Variants in LRCOL1 observed in about 807,000 individuals in gnomAD.
The protein encoded by LRCOL1 is leucine-rich colipase-like protein 1.
Under a neutral mutation model 21.6 loss-of-function variants are expected in LRCOL1, and 21 were observed. The ratio of observed to expected loss-of-function variants is 0.97; its 90% CI spans 0.69 to 1.40. The LOEUF is 1.40. Among genes scored for constraint, LRCOL1 ranks in the 40% most tolerant of loss-of-function variants. The pLI is 0.00. For synonymous variants in LRCOL1, 98 were observed against 90.1 expected, an observed-to-expected ratio of 1.09 and a Z score of -0.49; for missense variants, 198 against 202.3, an observed-to-expected ratio of 0.98 and a Z score of 0.13.
rs1036838196 is a variant in LRCOL1, at chr12:132,604,719, A to T, written c.218T>A (p.Leu73Gln). The T allele has an allele frequency of 1.3e-6, 2 of 1,536,004 alleles. No individual in the cohort carries two copies. Among genetic ancestry groups the T allele is most frequent in the African/African-American group, 2.7e-5 (2 of 73,038 alleles). Residue 73 changes from leucine to glutamine, a missense_variant, in exon 3 of 6, where the codon CTG becomes CAG. Transcript: ENST00000376608. ...CTPKTIFLQC[L>Q]PWRKPNGYRC... Reference sequence around the variant, plus strand: ...CACGCACCTCACCTTCCTCCAGGGCAGGCACTGCAGGAAGATGGTCTTAGG... The same window carrying T: ...CACGCACCTCACCTTCCTCCAGGGCTGGCACTGCAGGAAGATGGTCTTAGG...
intron 1 of LRCOL1, among the ~76,000 whole-genome samples, chr12:132,609,833 T>A (rs2041352492): frequency 6.6e-6 from 1 of 152,208 alleles, no homozygotes. Flanking sequence ...TTTCAAATGT[T>A]CTATATATGG....
chr12:132,604,656 G>A, intron 3 of LRCOL1, 50 bp downstream of exon 3: 8 of 1,527,454 alleles, frequency 5.2e-6, no homozygotes, highest in South Asian at 3.6e-5. Context: ...AGGTAGGAGG[G>A]GGCCACAGGC....
At chr12:132,605,379 TA>T (rs2041293342) in intron 2 of LRCOL1, among the ~76,000 whole-genome samples, 2 of 152,222 alleles carry the variant, frequency 1.3e-5, no homozygotes, top group Admixed American at 6.5e-5. Context: ...AATTTTAAGA[TA>T]AAAACAGTAA....
In LRCOL1 at chr12:132,606,295, G is replaced by A; in HGVS notation, c.-13-31C>T. On this transcript the variant is annotated intron_variant, in intron 1 of 5. Transcript: ENST00000376608. The surrounding 1 kb of genome is among the most constrained non-coding windows in gnomAD (Gnocchi z 4.6). The stretch of plus-strand genomic sequence containing the variant: ...GAGACCCAGGATTGTGTGGGAGTGT[G>A]TCCACGCCAGCCTTGTCCTGCCTGG... 6.6e-7 allele frequency: 1 copy of A among 1,525,160 alleles called. No individual in the cohort carries two copies. Among genetic ancestry groups the A allele is most frequent in the Non-Finnish European group, 8.8e-7 (1 of 1,138,076 alleles). 94.5% of individuals were successfully genotyped at this position (1,525,160 alleles called of 1,614,324 possible).
At chr12:132,605,032 T>C in intron 2 of LRCOL1, 1 of 1,409,282 alleles carries the variant, frequency 7.1e-7, no homozygotes, top group Non-Finnish European at 9.2e-7. Context: ...AGAAAGGGAA[T>C]GTCTACTGTG....
In LRCOL1 at chr12:132,603,231, G is replaced by A. The variant is rs892293973; in HGVS notation, c.*171C>T. The A allele has an allele frequency of 1.0e-4, 102 of 973,176 alleles. No individual in the cohort carries two copies. Among genetic ancestry groups the A allele is most frequent in the Non-Finnish European group, 1.5e-4 (99 of 668,702 alleles). 60.3% of individuals were successfully genotyped at this position (973,176 alleles called of 1,614,324 possible). A position where few individuals can be genotyped will look rare whatever the true frequency, so the allele number is the denominator to read the frequency against. ...TGGGATTTGTTCTCACAGACACTTC[G>A]CGCCACCAGGCTGGTCACAGCCTTT... On this transcript the variant is annotated 3_prime_UTR_variant, in exon 6 of 6. Transcript: ENST00000376608.
Position 132,604,761 on chromosome 12 carries a change from G to A in LRCOL1, c.176C>T (p.Pro59Leu), listed in dbSNP as rs2138303111. 1.3e-6 allele frequency: 2 copies of A among 1,536,136 alleles called. No homozygotes were observed. The highest frequency in any genetic ancestry group is 4.9e-5 in the East Asian group (2 of 40,914). ...GGTCTTAGGGGTGCAGAGCGTGTGTGGGGCCAGGCTGTTGATGGTACAGCA... is the reference window on the plus strand; with the variant it reads ...GGTCTTAGGGGTGCAGAGCGTGTGTAGGGCCAGGCTGTTGATGGTACAGCA... ...SNCCTINSLA[P>L]HTLCTPKTIF... Residue 59 changes from proline (P) to leucine (L), a missense_variant, in exon 3 of 6, where the codon CCA (proline) becomes CTA (leucine). Transcript: ENST00000376608.
intron 1 of LRCOL1, among the ~76,000 whole-genome samples, chr12:132,607,755 C>T (rs1453005328): frequency 6.6e-6 from 1 of 150,974 alleles, no homozygotes; most frequent in Non-Finnish European, 1.5e-5. Flanking sequence ...GTCTCTGTCT[C>T]TCTCTGTCTC....
chr12:132,605,226 C>G (rs970268392), intron 2 of LRCOL1: 4 of 732,554 alleles, frequency 5.5e-6, no homozygotes, highest in Non-Finnish European at 5.0e-6. Context: ...AGGCCTCCCC[C>G]CTGCACCACG....
chr12:132,603,868 C>T (rs1488567287), intron 5 of LRCOL1: 105 of 1,173,058 alleles, frequency 9.0e-5, no homozygotes, highest in Non-Finnish European at 1.0e-4. Context: ...CAGCAGAGGT[C>T]GGGGGAGGGA....
At position 132,606,414 on chromosome 12, in the gene LRCOL1, TA is replaced by T; in HGVS notation, c.-13-151del. ...TAAAAACTTAATGGACTTTATTTTC[TA>T]AAGCAGTTTTATGCTTACAAAAAAA... On this transcript the variant is annotated intron_variant, in intron 1 of 5. Coordinates refer to ENST00000376608, the MANE Select transcript of LRCOL1 (RefSeq NM_001195520.2). This position sits in a 1 kb window ranked among gnomAD's most constrained non-coding sequence, Gnocchi z 4.6. The T allele has an allele frequency of 1.4e-6, 1 of 701,684 alleles. No homozygotes were observed. The allele number at this position is 701,684 out of a possible 1,614,324, so 43.5% of individuals were successfully genotyped here. A position where few individuals can be genotyped will look rare whatever the true frequency, so the allele number is the denominator to read the frequency against.
chr12:132,606,046 A>C lies in LRCOL1; in HGVS notation c.105+101T>G. The C allele has an allele frequency of 6.4e-6, 7 of 1,086,420 alleles. No individual in the cohort carries two copies. Among genetic ancestry groups the C allele is most frequent in the Non-Finnish European group, 9.2e-6 (7 of 758,032 alleles). 67.3% of individuals were successfully genotyped at this position (1,086,420 alleles called of 1,614,324 possible). ...TGAGACCCTCCTGACGGAAAGTGGC[A>C]GCCCTCGCGGGTGGGGACTGCAAGG... On this transcript the variant is annotated intron_variant, in intron 2 of 5. Transcript: ENST00000376608. This position sits in a 1 kb window ranked among gnomAD's most constrained non-coding sequence, Gnocchi z 4.6.
In LRCOL1 at chr12:132,603,962, G is replaced by A. The variant is rs531645001; in HGVS notation, c.477+292C>T. 240 of 1,265,806 alleles carry A rather than the reference G, an allele frequency of 1.9e-4. 1 individual carries two copies. The African/African-American group carries it at 3.3e-3, about 17-fold the overall frequency. 78.4% of individuals were successfully genotyped at this position (1,265,806 alleles called of 1,614,324 possible). On this transcript the variant is annotated intron_variant, in intron 5 of 5. Transcript: ENST00000376608. ...GAAGACGTCCAACCCCAGCTCCCAC[G>A]GGGGATGGTCCTGGGTCCCCCTCCC...
In LRCOL1 at chr12:132,604,500, G is replaced by C; in HGVS notation, c.316C>G (p.Pro106Ala). 6.5e-7 allele frequency: 1 copy of C among 1,536,194 alleles called. No homozygotes were observed. Among genetic ancestry groups the C allele is most frequent in the Non-Finnish European group, 8.7e-7 (1 of 1,146,894 alleles). ...RNNSPQELCT[P>A]QSVFLQCVPW... ...ACACACTGCAGGAAGACGCTTTGGG[G>C]CGTGCACAACTCCTGCGGGCTGTTG... Residue 106 changes from proline to alanine, a missense_variant, in exon 4 of 6, where the codon CCC becomes GCC. Transcript: ENST00000376608.
Position 132,606,618 on chromosome 12 carries a change from G to C in LRCOL1, c.-13-354C>G, listed in dbSNP as rs1289743009. Among the ~76,000 whole-genome samples the C allele has an allele frequency of 6.6e-6, 1 of 152,036 alleles. No homozygotes were observed. Among genetic ancestry groups the C allele is most frequent in the Admixed American group, 6.5e-5 (1 of 15,270 alleles). On this transcript the variant is annotated intron_variant, in intron 1 of 5. Coordinates refer to ENST00000376608, the MANE Select transcript of LRCOL1 (RefSeq NM_001195520.2). The surrounding 1 kb of genome is among the most constrained non-coding windows in gnomAD (Gnocchi z 4.6). ...GTGTGCCTGCTGCGGGTTTGGGTGAGTGCGTTCTCATAACTGCCATTTCAG... is the reference window on the plus strand; with the variant it reads ...GTGTGCCTGCTGCGGGTTTGGGTGACTGCGTTCTCATAACTGCCATTTCAG...
At chr12:132,608,230 C>A (rs2041337107) in intron 1 of LRCOL1, among the ~76,000 whole-genome samples, 1 of 152,180 alleles carries the variant, frequency 6.6e-6, no homozygotes, top group African/African-American at 2.4e-5. Flanking sequence ...ATGCCCACCT[C>A]CCCCATGCCC....
At position 132,605,015 on chromosome 12, in the gene LRCOL1, G is replaced by A. The variant is rs377428335; in HGVS notation, c.106-184C>T. ...TCTGGCAGGTCAGTGCTGGGGGCCC[G>A]GGGCTGAGAAAGGGAATGTCTACTG... On this transcript the variant is annotated intron_variant, in intron 2 of 5. Transcript: ENST00000376608. The A allele has an allele frequency of 6.3e-5, 89 of 1,422,554 alleles. No individual in the cohort carries two copies. The East Asian group carries it at 1.3e-3, about 21-fold the overall frequency. The allele number at this position is 1,422,554 out of a possible 1,614,324, so 88.1% of individuals were successfully genotyped here. A position where few individuals can be genotyped will look rare whatever the true frequency, so the allele number is the denominator to read the frequency against.
At position 132,604,687 on chromosome 12, in the gene LRCOL1, G is replaced by A. The variant is rs967696813; in HGVS notation, c.231+19C>T. On this transcript the variant is annotated intron_variant, in intron 3 of 5. Transcript: ENST00000376608. The stretch of plus-strand genomic sequence containing the variant: ...CAGGCAGTCTCGCTCCTCCACCCCC[G>A]CCCCTGCACGCACCTCACCTTCCTC... 79 of 1,532,152 alleles carry A rather than the reference G, an allele frequency of 5.2e-5. No individual in the cohort carries two copies. Among genetic ancestry groups the A allele is most frequent in the Non-Finnish European group, 6.6e-5 (75 of 1,144,282 alleles). 94.9% of individuals were successfully genotyped at this position (1,532,152 alleles called of 1,614,324 possible). A position where few individuals can be genotyped will look rare whatever the true frequency, so the allele number is the denominator to read the frequency against.
At position 132,610,430 on chromosome 12, in the gene LRCOL1, C is replaced by G. The variant is rs972511239; in HGVS notation, c.-121G>C. Reference sequence around the variant, plus strand: ...CAGAGAAGTACCCAGAGCAGGGACCCGGCAGCCCGGCAGTACGCTGGGCAC... The same window carrying G: ...CAGAGAAGTACCCAGAGCAGGGACCGGGCAGCCCGGCAGTACGCTGGGCAC... On this transcript the variant is annotated 5_prime_UTR_variant, in exon 1 of 6. Coordinates refer to ENST00000376608, the MANE Select transcript of LRCOL1 (RefSeq NM_001195520.2). The G allele has an allele frequency of 2.0e-5, 3 of 152,606 alleles. No homozygotes were observed. Among genetic ancestry groups the G allele is most frequent in the South Asian group, 2.1e-4 (1 of 4,832 alleles). 9.5% of individuals were successfully genotyped at this position (152,606 alleles called of 1,614,324 possible).
Sources: allele counts gnomAD v4.1 joint callset (sites outside exome capture counted in the v4.1 genomes callset), GRCh38; gene constraint gnomAD v4.1.1; non-coding constraint Gnocchi (gnomAD v3.1); transcripts MANE v1.5; gene names NCBI Gene and HGNC (gene_info 2026-07-23, HGNC 2026-07-21).